AMPH: variants seen among roughly 807,000 people sequenced by gnomAD.
AMPH encodes the protein amphiphysin (Stiff-Mann syndrome with breast cancer 128kD autoantigen).
A neutral mutation model predicts 99.1 loss-of-function variants in AMPH; 49 were observed. The ratio of observed to expected loss-of-function variants is 0.49; its 90% CI spans 0.39 to 0.63. The LOEUF (loss-of-function observed/expected upper bound fraction) is 0.63. Among genes scored for constraint, AMPH ranks in the 20% least tolerant of loss-of-function variants. The pLI, the probability that AMPH is intolerant of heterozygous loss-of-function variation, is 0.00. For synonymous variants in AMPH, 314 were observed against 317.3 expected (o/e 0.99, Z 0.11); for missense variants, 759 against 863.4 (o/e 0.88, Z 1.52).
intron 20 of AMPH, among the ~76,000 whole-genome samples, chr7:38,386,957 G>C (rs1784365923): frequency 6.6e-6 from 1 of 152,146 alleles, no homozygotes; most frequent in Admixed American, 6.5e-5. Context: ...TGTACACTCA[G>C]GGGGGTTATC....
At chr7:38,473,539 C>T (rs190403417) in intron 7 of AMPH, among the ~76,000 whole-genome samples, 1,704 of 99,338 alleles carry the variant, frequency 0.017, 353 homozygotes, top group African/African-American at 0.066. Context: ...CCCGTCTCTA[C>T]TAAAAATACA....
At chr7:38,548,059 C>T (rs139081622) in intron 1 of AMPH, among the ~76,000 whole-genome samples, 17,961 of 144,886 alleles carry the variant, frequency 0.12, 1,819 homozygotes, top group East Asian at 0.38. Flanking sequence ...GACAGAGTCT[C>T]GCTCTGTCGC....
chr7:38,569,028 C>G (rs1025641156), intron 1 of AMPH, among the ~76,000 whole-genome samples: 1 of 152,220 alleles, frequency 6.6e-6, no homozygotes, highest in African/African-American at 2.4e-5. Flanking sequence ...AACCAGGTTC[C>G]TCCAACAGCA....
rs186466585 is a variant in AMPH at position 38,601,338 on chromosome 7, T to C, written c.69+29945A>G. On this transcript the variant is annotated intron_variant, in intron 1 of 20. Transcript: ENST00000356264. ...ACTACACTTCTTTCTCCAGATCTGT[T>C]AAAATAGCATCTCATTAAAAGCAAC... is the stretch of plus-strand genomic sequence containing the variant. Among the ~76,000 whole-genome samples the C allele has an allele frequency of 1.7e-3, 253 of 152,302 alleles. 2 individuals are homozygous for C. The highest frequency in any genetic ancestry group is 4.6e-3 in the South Asian group (22 of 4,822).
chr7:38,422,447 T>A lies in AMPH; in HGVS notation c.1246A>T (p.Thr416Ser). Reference protein sequence around the residue: ...PQDTSLFTMQTDQSMICNLAE... With the variant: ...PQDTSLFTMQSDQSMICNLAE... The stretch of plus-strand genomic sequence containing the variant: ...AAGTTGCAGATCATACTCTGGTCTG[T>A]CTGCATTGTGAATAATGAAGTATCC... Residue 416 changes from threonine (T) to serine (S), a missense_variant, in exon 16 of 21, where the codon ACA becomes TCA. This residue lies in a region of AMPH where 554 missense variants were observed against 575.6 expected (regional missense o/e 0.96). Coordinates refer to ENST00000356264, the MANE Select transcript of AMPH (RefSeq NM_001635.4). 1 of 1,613,752 alleles carries A rather than the reference T, an allele frequency of 6.2e-7. No individual in the cohort carries two copies. Among genetic ancestry groups the A allele is most frequent in the South Asian group, 1.1e-5 (1 of 91,044 alleles).
At chr7:38,602,168 A>T (rs1793268991) in intron 1 of AMPH, among the ~76,000 whole-genome samples, 1 of 152,182 alleles carries the variant, frequency 6.6e-6, no homozygotes, top group Non-Finnish European at 1.5e-5. Flanking sequence ...CACAGACGCC[A>T]ATAAGGGGGA....
At chr7:38,595,972 C>A (rs1326798061) in intron 1 of AMPH, among the ~76,000 whole-genome samples, 1 of 152,178 alleles carries the variant, frequency 6.6e-6, no homozygotes, top group Admixed American at 6.5e-5. Flanking sequence ...TTAATAGACA[C>A]CTGGATTGAT....
At chr7:38,601,709 G>T (rs779520558) in intron 1 of AMPH, among the ~76,000 whole-genome samples, 10 of 152,174 alleles carry the variant, frequency 6.6e-5, no homozygotes, top group African/African-American at 2.4e-4. Flanking sequence ...CTAAAGATCT[G>T]CCTGGAAATC....
At chr7:38,487,467 T>G (rs925977551) in intron 5 of AMPH, among the ~76,000 whole-genome samples, 1 of 152,042 alleles carries the variant, frequency 6.6e-6, no homozygotes, top group African/African-American at 2.4e-5. Context: ...ACTGGCTAGC[T>G]ATATGCAGAA....
chr7:38,431,990 C>G (rs1235605971), intron 13 of AMPH, 199 bp downstream of exon 13: 3 of 678,556 alleles, frequency 4.4e-6, no homozygotes, highest in Non-Finnish European at 8.2e-6. Flanking sequence ...GAGTCTGGTC[C>G]ACTGTACTCT....
chr7:38,424,671 T>C (rs985440413), intron 15 of AMPH, among the ~76,000 whole-genome samples: 7 of 152,072 alleles, frequency 4.6e-5, no homozygotes, highest in African/African-American at 1.4e-4. Flanking sequence ...CCATGAAATA[T>C]TTTTTTAAAA....
rs777855014 is a variant in AMPH, at chr7:38,612,084, C to CTTTTTTTTTTTTTTTTTTTTTTTTTT, written c.69+19198_69+19199insAAAAAAAAAAAAAAAAAAAAAAAAAA. 2.2e-5 allele frequency among the ~76,000 whole-genome samples: 2 copies of CTTTTTTTTTTTTTTTTTTTTTTTTTT among 90,860 alleles called. 1 individual carries two copies. The highest frequency in any genetic ancestry group is 8.9e-5 in the African/African-American group (2 of 22,434). The allele number at this position is 90,860 out of a possible 152,430, so 59.6% of individuals were successfully genotyped here. ...ACTGCTAAGACTGATTTTTTGTCTTCTTCTTTTTTTTTTTTTTTTTTTTTG... is the reference window on the plus strand; with the variant it reads ...ACTGCTAAGACTGATTTTTTGTCTTCTTTTTTTTTTTTTTTTTTTTTTTTTTTTCTTTTTTTTTTTTTTTTTTTTTG... On this transcript the variant is annotated intron_variant, in intron 1 of 20. Coordinates refer to ENST00000356264, the MANE Select transcript of AMPH (RefSeq NM_001635.4).
At chr7:38,390,961 C>CAGAGAGAGAGAGAGAGAGAGAGAG (rs199667568) in intron 19 of AMPH, among the ~76,000 whole-genome samples, 1 of 129,296 alleles carries the variant, frequency 7.7e-6, no homozygotes, top group South Asian at 2.9e-4. Context: ...GAGACAAAGA[C>CAGAGAGAGAGAGAGAGAGAGAGAG]AGAGAGAGAG....
At chr7:38,478,546 C>T (rs1788171108) in intron 5 of AMPH, among the ~76,000 whole-genome samples, 2 of 152,112 alleles carry the variant, frequency 1.3e-5, no homozygotes, top group South Asian at 2.1e-4. Flanking sequence ...TGATGTCTGG[C>T]ATTCAATCAA....
intron 18 of AMPH, 31 bp from the exon 19 acceptor site, chr7:38,392,048 G>C: frequency 6.3e-7 from 1 of 1,595,688 alleles, no homozygotes; most frequent in South Asian, 1.1e-5. Flanking sequence ...GCGATGCCCG[G>C]CAGGGCCTGG....
chr7:38,475,388 T>G lies in AMPH; in HGVS notation c.533A>C (p.Lys178Thr). The change falls in exon 7 of 21, where the codon AAA becomes ACA. Residue 178 changes from lysine to threonine, a missense_variant. By Grantham distance (78) the Lys-to-Thr change is moderately conservative. Around this residue, in one of 2 missense-constraint regions of AMPH, gnomAD observed 205 missense variants for 287.9 expected, o/e 0.71. Transcript: ENST00000356264. ...KAEEEFQKAQ[K>T]VFEEFNVDLQ... ...GTCAACGTTAAACTCTTCAAACACT[T>G]TCTGTGCTTTCTGAAATTCTTCTTC... is the stretch of plus-strand genomic sequence containing the variant. The G allele has an allele frequency of 1.2e-6, 2 of 1,613,016 alleles. No homozygotes were observed. Among genetic ancestry groups the G allele is most frequent in the Non-Finnish European group, 1.7e-6 (2 of 1,179,460 alleles).
chr7:38,417,642 A>G (rs554089082), intron 17 of AMPH, among the ~76,000 whole-genome samples, 183 bp downstream of exon 17: 4 of 152,320 alleles, frequency 2.6e-5, no homozygotes, highest in African/African-American at 9.6e-5. Context: ...AGTTATCTGG[A>G]TATCTTCCTT....
rs750466617 is a variant in AMPH at position 38,466,160 on chromosome 7, C to T, written c.666+13G>A. The stretch of plus-strand genomic sequence containing the variant: ...TTTATATTCCATATGCAAAAATTAT[C>T]GTCATGACTCACCACCGCAATTTCC... On this transcript the variant is annotated intron_variant, in intron 8 of 20. Transcript: ENST00000356264. The T allele has an allele frequency of 5.6e-6, 9 of 1,597,692 alleles. No homozygotes were observed. In the East Asian group the frequency reaches 6.8e-5, roughly 12 times the overall value.
At chr7:38,490,827 TA>T (rs1237469066) in intron 5 of AMPH, among the ~76,000 whole-genome samples, 1 of 152,198 alleles carries the variant, frequency 6.6e-6, no homozygotes, top group Non-Finnish European at 1.5e-5. Flanking sequence ...TGTAGAATAA[TA>T]AAAGCTGAAG....
Sources: gnomAD v4.1 joint callset for allele counts (sites outside exome capture counted in the v4.1 genomes callset) on GRCh38, gnomAD v4.1.1 for gene constraint, gnomAD v4.1.1 regional missense constraint, MANE v1.5 for transcripts, NCBI Gene and HGNC (gene_info 2026-07-23, HGNC 2026-07-21) for gene names.